The following ZDHHC14 variants were observed in gnomAD, a reference collection of about 807,000 sequenced individuals.
ZDHHC14 encodes palmitoyltransferase ZDHHC14.
A neutral mutation model predicts 47.7 loss-of-function variants in ZDHHC14; 16 were observed. The ratio of observed to expected loss-of-function variants is 0.34; its 90% CI spans 0.23 to 0.51. The LOEUF is 0.51. ZDHHC14 is among the 20% of genes least tolerant of loss of function. The pLI, the probability that ZDHHC14 is intolerant of heterozygous loss-of-function variation, is 0.97. For missense variants in ZDHHC14, 515 were observed against 662.5 expected (o/e 0.78, Z 2.44); for synonymous variants, 293 against 278.9 (o/e 1.05, Z -0.50).
At chr6:157,566,187 C>T (rs1782893920) in intron 2 of ZDHHC14, among the ~76,000 whole-genome samples, 1 of 152,140 alleles carries the variant, frequency 6.6e-6, no homozygotes, top group African/African-American at 2.4e-5. Context: ...AGAAGAAAAG[C>T]TCTATTGCGA....
At chr6:157,646,146 T>C (rs956652379) in intron 6 of ZDHHC14, 1 of 255,504 alleles carries the variant, frequency 3.9e-6, no homozygotes, top group African/African-American at 2.2e-5. Context: ...CGTAAGCTTC[T>C]TATCACACTT....
At chr6:157,608,629 A>G (rs975164359) in intron 3 of ZDHHC14, among the ~76,000 whole-genome samples, 1 of 152,200 alleles carries the variant, frequency 6.6e-6, no homozygotes, top group African/African-American at 2.4e-5. Context: ...GTGGAGACTC[A>G]GGTCAGAGTG....
chr6:157,501,183 A>T (rs1780184642), intron 1 of ZDHHC14, among the ~76,000 whole-genome samples: 1 of 152,138 alleles, frequency 6.6e-6, no homozygotes, highest in African/African-American at 2.4e-5. Context: ...GGCTTGACTC[A>T]TTTTGGATTT....
chr6:157,381,922 CG>C lies in ZDHHC14; in HGVS notation c.-94del. 3.1e-6 allele frequency: 3 copies of C among 956,480 alleles called. No homozygotes were observed. Among genetic ancestry groups the C allele is most frequent in the Non-Finnish European group, 3.7e-6 (3 of 810,346 alleles). 59.2% of individuals were successfully genotyped at this position (956,480 alleles called of 1,614,324 possible). A position where few individuals can be genotyped will look rare whatever the true frequency, so the allele number is the denominator to read the frequency against. On this transcript the variant is annotated 5_prime_UTR_variant, in exon 1 of 9. Transcript: ENST00000359775. ...GTGTAGGGGCCGCGGCGCCGCGGCT[CG>C]GGGGGCGGCCGGGCGGCCGGCGGCG...
chr6:157,408,244 G>T (rs1486704678), intron 1 of ZDHHC14, among the ~76,000 whole-genome samples: 1 of 151,810 alleles, frequency 6.6e-6, no homozygotes, highest in Non-Finnish European at 1.5e-5. Flanking sequence ...GTACAGGCTG[G>T]CCTGGTGGCT....
chr6:157,616,336 G>GA (rs1457571017), intron 3 of ZDHHC14, among the ~76,000 whole-genome samples: 1 of 152,220 alleles, frequency 6.6e-6, no homozygotes, highest in Non-Finnish European at 1.5e-5. Context: ...CCCCATGGGG[G>GA]ATGCCACTAG....
intron 3 of ZDHHC14, among the ~76,000 whole-genome samples, chr6:157,594,065 C>T (rs1367044727): frequency 2.0e-5 from 3 of 152,332 alleles, no homozygotes; most frequent in African/African-American, 7.2e-5. Context: ...GAGTGCACCT[C>T]AGAACAAACC....
intron 1 of ZDHHC14, among the ~76,000 whole-genome samples, chr6:157,528,342 G>A (rs1781232338): frequency 6.6e-6 from 1 of 152,134 alleles, no homozygotes; most frequent in African/African-American, 2.4e-5. Flanking sequence ...GAAAAGTAAA[G>A]AAATGATATG....
At chr6:157,419,996 T>C (rs1046493690) in intron 1 of ZDHHC14, among the ~76,000 whole-genome samples, 1 of 152,274 alleles carries the variant, frequency 6.6e-6, no homozygotes, top group African/African-American at 2.4e-5. Context: ...AAATGTGTAG[T>C]AGTATCTTAC....
chr6:157,484,408 G>GTATA (rs1779724125), intron 1 of ZDHHC14, among the ~76,000 whole-genome samples: 3 of 140,822 alleles, frequency 2.1e-5, no homozygotes, highest in African/African-American at 8.0e-5. Context: ...ACATATATAT[G>GTATA]TATACACATA....
chr6:157,567,834 C>A (rs1782963981), intron 2 of ZDHHC14, among the ~76,000 whole-genome samples: 1 of 150,638 alleles, frequency 6.6e-6, no homozygotes, highest in African/African-American at 2.5e-5. Flanking sequence ...AAAGTTGGAC[C>A]AGATTGGTTT....
At chr6:157,602,833 C>G (rs1784388612) in intron 3 of ZDHHC14, among the ~76,000 whole-genome samples, 1 of 152,212 alleles carries the variant, frequency 6.6e-6, no homozygotes, top group Non-Finnish European at 1.5e-5. Context: ...GCACCAGCCC[C>G]TTCGTGCTAG....
At chr6:157,592,905 AGCTTACACTCCAG>A (rs1024322242) in intron 2 of ZDHHC14, 70 bp from the exon 3 acceptor site, 48 of 1,511,656 alleles carry the variant, frequency 3.2e-5, no homozygotes, top group Middle Eastern at 2.0e-4. Context: ...GCTGCCCTGG[AGCTTACACTCCAG>A]GCGGACGGGT....
chr6:157,473,459 A>G (rs1179368544), intron 1 of ZDHHC14, among the ~76,000 whole-genome samples: 3 of 152,234 alleles, frequency 2.0e-5, no homozygotes, highest in African/African-American at 7.2e-5. Context: ...AATGTCCTCC[A>G]GATTCACCTG....
intron 2 of ZDHHC14, among the ~76,000 whole-genome samples, chr6:157,549,980 C>T (rs756088749): frequency 3.9e-5 from 6 of 152,220 alleles, no homozygotes; most frequent in Non-Finnish European, 5.9e-5. Flanking sequence ...AGGAGGACAG[C>T]TCCAGAAAGC....
rs530089233 is a variant in ZDHHC14 at position 157,392,803 on chromosome 6, T to C, written c.245+10537T>C. Among the ~76,000 whole-genome samples the C allele has an allele frequency of 3.5e-4, 53 of 152,316 alleles. No individual in the cohort carries two copies. The South Asian group carries it at 7.7e-3, about 22-fold the overall frequency. On this transcript the variant is annotated intron_variant, in intron 1 of 8. Transcript: ENST00000359775. Reference sequence around the variant, plus strand: ...CATACCATTACAGTAGACCTCCCTGTCTCCCTCTAGAGACTTTGGAGGTAG... The same window carrying C: ...CATACCATTACAGTAGACCTCCCTGCCTCCCTCTAGAGACTTTGGAGGTAG...
chr6:157,382,362 T>G (rs1231505333), intron 1 of ZDHHC14, 96 bp downstream of exon 1: 19 of 1,430,954 alleles, frequency 1.3e-5, no homozygotes, highest in Non-Finnish European at 1.6e-5. Context: ...AGAAGTCTTA[T>G]CTACTGTAAA....
intron 2 of ZDHHC14, among the ~76,000 whole-genome samples, chr6:157,555,493 A>G (rs905919): frequency 0.22 from 32,963 of 152,192 alleles, 4,040 homozygotes; most frequent in Middle Eastern, 0.33. Context: ...TATCCCAGAC[A>G]TGTAATGAAA....
At chr6:157,575,996 C>A (rs977671993) in intron 2 of ZDHHC14, among the ~76,000 whole-genome samples, 3 of 152,212 alleles carry the variant, frequency 2.0e-5, no homozygotes, top group African/African-American at 7.2e-5. Flanking sequence ...ATGTTCCTCG[C>A]TCTCTTGCTT....
Sources: gnomAD v4.1 joint callset for allele counts (sites outside exome capture counted in the v4.1 genomes callset) on GRCh38, gnomAD v4.1.1 for gene constraint, MANE v1.5 for transcripts, NCBI Gene and HGNC (gene_info 2026-07-23, HGNC 2026-07-21) for gene names.